The following GPCPD1 variants were observed in gnomAD, a reference collection of about 807,000 sequenced individuals.
GPCPD1 encodes glycerophosphocholine phosphodiesterase GPCPD1.
Under a neutral mutation model 89.2 loss-of-function variants are expected in GPCPD1, and 29 were observed. The observed-to-expected ratio is 0.33, with a 90% CI of 0.24 to 0.44. GPCPD1 has a LOEUF of 0.44. GPCPD1 is among the 20% of genes least tolerant of loss of function. The pLI is 1.00. For missense variants in GPCPD1, 594 were observed against 808.9 expected, an observed-to-expected ratio of 0.73 and a Z score of 3.22; for synonymous variants, 258 against 266.3, an observed-to-expected ratio of 0.97 and a Z score of 0.30.
intron 12 of GPCPD1, among the ~76,000 whole-genome samples, chr20:5,568,230 GTA>G (rs3057280): frequency 4.8e-5 from 7 of 145,506 alleles, no homozygotes; most frequent in East Asian, 4.0e-4. Flanking sequence ...AATATACTTA[GTA>G]TATATATATA....
chr20:5,607,510 G>A (rs1341125333), intron 1 of GPCPD1, among the ~76,000 whole-genome samples: 2 of 150,594 alleles, frequency 1.3e-5, no homozygotes, highest in African/African-American at 4.9e-5. Flanking sequence ...CCCAGGAGGT[G>A]GAGGTTGTGG....
At chr20:5,601,148 G>A (rs919707968) in intron 2 of GPCPD1, among the ~76,000 whole-genome samples, 10 of 150,878 alleles carry the variant, frequency 6.6e-5, no homozygotes, top group South Asian at 6.3e-4. Context: ...GCATCACTGC[G>A]CTCCAGCCTG....
At chr20:5,603,161 T>C (rs546412572) in intron 2 of GPCPD1, among the ~76,000 whole-genome samples, 16 of 151,522 alleles carry the variant, frequency 1.1e-4, no homozygotes, top group African/African-American at 3.9e-4. Context: ...GGCACGGTGA[T>C]GGACACCTGT....
intron 15 of GPCPD1, among the ~76,000 whole-genome samples, chr20:5,563,139 C>T (rs1387206288): frequency 6.6e-6 from 1 of 152,070 alleles, no homozygotes; most frequent in African/African-American, 2.4e-5. Flanking sequence ...CCCGCCACCA[C>T]ACCAGGCTAA....
At chr20:5,553,559 C>A (rs1985557039) in intron 19 of GPCPD1, among the ~76,000 whole-genome samples, 3 of 152,178 alleles carry the variant, frequency 2.0e-5, no homozygotes, top group Admixed American at 1.3e-4. Flanking sequence ...GCCTCTTGAA[C>A]CAAACTGTTA....
intron 15 of GPCPD1, among the ~76,000 whole-genome samples, chr20:5,562,770 T>C (rs16991099): frequency 0.027 from 4,111 of 152,300 alleles, 150 homozygotes; most frequent in East Asian, 0.16. Flanking sequence ...AAGTACAGCA[T>C]CTAAAACAGT....
At chr20:5,578,633 G>C in intron 7 of GPCPD1, 22 bp from the exon 8 acceptor site, 1 of 1,448,466 alleles carries the variant, frequency 6.9e-7, no homozygotes, top group Non-Finnish European at 9.7e-7. Flanking sequence ...ACAAAATAAT[G>C]AGATGCAAGA....
intron 6 of GPCPD1, among the ~76,000 whole-genome samples, chr20:5,582,186 C>CAAAAAAAAAAA (rs1164754193): frequency 8.3e-5 from 3 of 36,280 alleles, no homozygotes; most frequent in African/African-American, 2.2e-4. Flanking sequence ...ACTCCCGTCT[C>CAAAAAAAAAAA]AAAAAAAAAA....
intron 8 of GPCPD1, among the ~76,000 whole-genome samples, chr20:5,577,327 G>T (rs1022150001): frequency 3.3e-5 from 5 of 150,904 alleles, no homozygotes; most frequent in East Asian, 1.9e-4. Flanking sequence ...GGCCAAAAAC[G>T]TTTTTTTTAA....
Position 5,575,902 on chromosome 20 carries a change from G to C in GPCPD1, c.782C>G (p.Thr261Ser). ...HVGTACLLSSTIAESGKSAGI... is the reference protein window; with the variant it reads ...HVGTACLLSSSIAESGKSAGI... ...AGCACTCTTTCCACTCTCAGCAATGGTGGATGATAAGAGACAAGCTGTACC... is the reference window on the plus strand; with the variant it reads ...AGCACTCTTTCCACTCTCAGCAATGCTGGATGATAAGAGACAAGCTGTACC... The change falls in exon 9 of 20, where the codon ACC (threonine) becomes AGC (serine). Residue 261 changes from threonine to serine, a missense_variant. Coordinates refer to ENST00000379019, the MANE Select transcript of GPCPD1 (RefSeq NM_019593.5). 1.9e-6 allele frequency: 3 copies of C among 1,604,846 alleles called. No individual in the cohort carries two copies. Among genetic ancestry groups the C allele is most frequent in the Non-Finnish European group, 2.6e-6 (3 of 1,171,762 alleles).
chr20:5,584,734 C>T (rs1419418152), intron 5 of GPCPD1: 1 of 153,966 alleles, frequency 6.5e-6, no homozygotes, highest in Non-Finnish European at 1.5e-5. Context: ...CTGAACTTGT[C>T]TCAAATGTAA....
At chr20:5,567,636 T>A in intron 12 of GPCPD1, 76 bp from the exon 13 acceptor site, 1 of 1,296,898 alleles carries the variant, frequency 7.7e-7, no homozygotes, top group Non-Finnish European at 1.0e-6. Flanking sequence ...CCTAAATTAT[T>A]ACTGAATGCT....
chr20:5,552,433 T>G lies in GPCPD1; in HGVS notation c.1830-4583A>C, dbSNP rs547708322. On this transcript the variant is annotated intron_variant, in intron 19 of 19. Coordinates refer to ENST00000379019, the MANE Select transcript of GPCPD1 (RefSeq NM_019593.5). ...ACCTGTTATATCATGTATCTTCCTG[T>G]TCTCCATTAAATGTCAACATTTGAT... 2.9e-4 allele frequency among the ~76,000 whole-genome samples: 44 copies of G among 152,382 alleles called. No individual in the cohort carries two copies. In the South Asian group the frequency reaches 8.5e-3, roughly 29 times the overall value.
chr20:5,585,529 C>T (rs1209543456), intron 5 of GPCPD1: 1 of 147,200 alleles, frequency 6.8e-6, no homozygotes, highest in Admixed American at 6.9e-5. Flanking sequence ...TCAATATGGA[C>T]TAAGAAATTC....
chr20:5,575,020 T>C (rs1051582936), intron 10 of GPCPD1, among the ~76,000 whole-genome samples: 1 of 152,232 alleles, frequency 6.6e-6, no homozygotes. Context: ...AGTTAACTAA[T>C]ATTCCTTGAG....
chr20:5,559,134 G>A (rs563611859), intron 17 of GPCPD1, among the ~76,000 whole-genome samples: 14 of 151,988 alleles, frequency 9.2e-5, no homozygotes, highest in Non-Finnish European at 1.6e-4. Flanking sequence ...CCTGAAGGCA[G>A]AGGTTGCAGT....
chr20:5,599,842 C>T (rs562769882), intron 2 of GPCPD1, among the ~76,000 whole-genome samples: 5 of 152,246 alleles, frequency 3.3e-5, no homozygotes, highest in African/African-American at 7.2e-5. Context: ...CATGAGCCGC[C>T]GCGCCCAGCC....
Position 5,578,491 on chromosome 20 carries a change from G to A in GPCPD1, c.594C>T (p.Cys198=), listed in dbSNP as rs569341845. ...AACCACACTCCGGCTGTGAATGCCT[G>A]CACTTGAACTCATTGTCGCTTATTA... The part of the protein sequence containing the change: ...ISLISDNEFK[C]RHSQPECGYG... Residue 198 remains cysteine, a synonymous_variant, in exon 8 of 20, where the codon TGC becomes TGT. Transcript: ENST00000379019. 2 of 1,613,542 alleles carry A rather than the reference G, an allele frequency of 1.2e-6. No homozygotes were observed. Among genetic ancestry groups the A allele is most frequent in the South Asian group, 1.1e-5 (1 of 91,086 alleles).
rs1313970349 is a variant in GPCPD1, at chr20:5,598,610, G to A, written c.146+115C>T. ...TTTCACTCATAAAACTATGCAACGTGATAATGTTGATAAAAATTATAACTA... is the reference window on the plus strand; with the variant it reads ...TTTCACTCATAAAACTATGCAACGTAATAATGTTGATAAAAATTATAACTA... On this transcript the variant is annotated intron_variant, in intron 3 of 19. Coordinates refer to ENST00000379019, the MANE Select transcript of GPCPD1 (RefSeq NM_019593.5). The A allele has an allele frequency of 7.7e-6, 5 of 646,000 alleles. No homozygotes were observed. In the African/African-American group the frequency reaches 9.2e-5, roughly 12 times the overall value. 40.0% of individuals were successfully genotyped at this position (646,000 alleles called of 1,614,324 possible).
Sources: allele counts gnomAD v4.1 joint callset (sites outside exome capture counted in the v4.1 genomes callset), GRCh38; gene constraint gnomAD v4.1.1; transcripts MANE v1.5; gene names NCBI Gene and HGNC (gene_info 2026-07-23, HGNC 2026-07-21).